Variants in PRMT8 observed in about 807,000 individuals in gnomAD.
PRMT8 encodes the protein protein arginine methyltransferase 8, also known as protein arginine N-methyltransferase 8.
In PRMT8, 7 loss-of-function variants were observed where a neutral mutation model predicts 47.1. The observed-to-expected ratio is 0.15, with a 90% CI of 0.08 to 0.28. The LOEUF is 0.28. Among genes scored for constraint, PRMT8 ranks in the 10% least tolerant of loss-of-function variants. PRMT8 has a pLI of 1.00. For synonymous variants in PRMT8, 188 were observed against 186.5 expected, an observed-to-expected ratio of 1.01 and a Z score of -0.07; for missense variants, 237 against 505.4, an observed-to-expected ratio of 0.47 and a Z score of 5.09.
chr12:3,421,865 C>T (rs1202492157), intron 1 of PRMT8, among the ~76,000 whole-genome samples: 1 of 152,238 alleles, frequency 6.6e-6, no homozygotes, highest in East Asian at 1.9e-4. Flanking sequence ...GCTGAGGCTG[C>T]TGAGGTAGTT....
chr12:3,570,846 G>T lies in PRMT8; in HGVS notation c.712+1282G>T, dbSNP rs1866831867. Among the ~76,000 whole-genome samples, 1 of 152,146 alleles carries T rather than the reference G, an allele frequency of 6.6e-6. No homozygotes were observed. The highest frequency in any genetic ancestry group is 6.5e-5 in the Admixed American group (1 of 15,270). On this transcript the variant is annotated intron_variant, in intron 6 of 9. Transcript: ENST00000382622. The surrounding 1 kb of genome is among the most constrained non-coding windows in gnomAD (Gnocchi z 5.5). ...GTTGCTGTCTGCCTCCAGCCAATCT[G>T]GTGTGATTTCCACTATTTGACCTCC... is the stretch of plus-strand genomic sequence containing the variant.
At chr12:3,540,937 C>T (rs1866217130) in intron 2 of PRMT8, 146 bp downstream of exon 2, 1 of 1,001,696 alleles carries the variant, frequency 1.0e-6, no homozygotes, top group African/African-American at 1.6e-5. Context: ...TTTCTCCAAT[C>T]CGGGGGGCCC....
intron 1 of PRMT8, among the ~76,000 whole-genome samples, chr12:3,417,822 T>A (rs1386530827): frequency 6.6e-6 from 1 of 152,218 alleles, no homozygotes; most frequent in East Asian, 1.9e-4. Context: ...TCCCATGCAC[T>A]CAACTTGTTT....
chr12:3,439,963 A>G (rs1006365065), intron 1 of PRMT8, among the ~76,000 whole-genome samples: 5 of 152,166 alleles, frequency 3.3e-5, no homozygotes, highest in African/African-American at 1.2e-4. Flanking sequence ...TGGAGAGAGC[A>G]CTGGGTGTTA....
intron 1 of PRMT8, among the ~76,000 whole-genome samples, chr12:3,394,246 T>C (rs1335223563): frequency 1.3e-5 from 2 of 152,056 alleles, no homozygotes; most frequent in African/African-American, 2.4e-5. Flanking sequence ...TCCAACACTA[T>C]GTTGAATAGG....
intron 4 of PRMT8, among the ~76,000 whole-genome samples, chr12:3,563,329 A>G (rs1866667194): frequency 6.6e-6 from 1 of 151,814 alleles, no homozygotes; most frequent in Admixed American, 6.6e-5. Context: ...CACAGTGAGG[A>G]CAAAGCAGAC....
At chr12:3,389,463 TTTCCTTCC>T (rs1195675567) in intron 1 of PRMT8, among the ~76,000 whole-genome samples, 1 of 152,184 alleles carries the variant, frequency 6.6e-6, no homozygotes, top group Admixed American at 6.5e-5. Context: ...TCGCTCATTC[TTTCCTTCC>T]TTCCTTCCTT....
chr12:3,457,836 A>G (rs1203096059), intron 1 of PRMT8, among the ~76,000 whole-genome samples: 2 of 138,664 alleles, frequency 1.4e-5, no homozygotes, highest in Admixed American at 7.6e-5. Context: ...AGGTCTTTCC[A>G]GTTTGCTTTT....
intron 1 of PRMT8, among the ~76,000 whole-genome samples, chr12:3,472,273 G>T (rs776493272): frequency 6.6e-6 from 1 of 152,196 alleles, no homozygotes. Context: ...ATTCCGGCTG[G>T]CCTCAGCCTT....
intron 4 of PRMT8, among the ~76,000 whole-genome samples, chr12:3,560,068 T>C (rs1866605643): frequency 1.3e-5 from 2 of 151,802 alleles, no homozygotes; most frequent in African/African-American, 4.8e-5. Flanking sequence ...TAAAGCTGAG[T>C]GGTCTTTACT....
intron 1 of PRMT8, 132 bp downstream of exon 1, chr12:3,491,832 C>CTGTGTGTGTGTGTGTGTG (rs531683101): frequency 1.9e-6 from 1 of 535,872 alleles, no homozygotes; most frequent in African/African-American, 5.2e-5. Context: ...CGGCCTCCTC[C>CTGTGTGTGTGTGTGTGTG]TGTGTGTGTG....
chr12:3,401,622 G>A (rs1022809279), intron 1 of PRMT8, among the ~76,000 whole-genome samples: 4 of 152,190 alleles, frequency 2.6e-5, no homozygotes, highest in Admixed American at 6.5e-5. Flanking sequence ...AGCAACTTCA[G>A]TGGAGTCTCA....
intron 1 of PRMT8, among the ~76,000 whole-genome samples, chr12:3,435,447 G>C (rs2137070808): frequency 6.6e-6 from 1 of 151,936 alleles, no homozygotes; most frequent in East Asian, 1.9e-4. Flanking sequence ...TCATCCTGCA[G>C]AAATGCTTTC....
At chr12:3,561,551 G>A (rs1274351266) in intron 4 of PRMT8, among the ~76,000 whole-genome samples, 1 of 152,174 alleles carries the variant, frequency 6.6e-6, no homozygotes, top group African/African-American at 2.4e-5. Flanking sequence ...TTTGTGATGG[G>A]TGTCCTACGG....
At chr12:3,490,571 C>A (rs1461383199), upstream of PRMT8, among the ~76,000 whole-genome samples, 1 of 149,796 alleles carries the variant, frequency 6.7e-6, no homozygotes, top group Non-Finnish European at 1.5e-5. Context: ...TGCAGTCTCG[C>A]ATTTGACTTT....
At chr12:3,417,109 G>A (rs937607138) in intron 1 of PRMT8, among the ~76,000 whole-genome samples, 7 of 152,208 alleles carry the variant, frequency 4.6e-5, no homozygotes, top group South Asian at 2.1e-4. Context: ...GAGCAGAGGC[G>A]TGTAATAGAA....
upstream of PRMT8, among the ~76,000 whole-genome samples, chr12:3,486,679 T>G (rs533423872): frequency 4.9e-4 from 75 of 152,220 alleles, 2 homozygotes; most frequent in South Asian, 0.015. Flanking sequence ...AACAGAATCT[T>G]TTGGGTCTTT....
chr12:3,522,817 G>GA (rs1428964001), intron 1 of PRMT8, among the ~76,000 whole-genome samples: 2 of 151,234 alleles, frequency 1.3e-5, no homozygotes, highest in Admixed American at 6.6e-5. Context: ...AAAAAAAACA[G>GA]AAAAAAATGA....
At chr12:3,390,890 C>T (rs911083118) in intron 1 of PRMT8, among the ~76,000 whole-genome samples, 6 of 152,198 alleles carry the variant, frequency 3.9e-5, no homozygotes, top group Admixed American at 6.5e-5. Flanking sequence ...ACATAGTAGA[C>T]GCATCATTCA....
Sources: allele counts gnomAD v4.1 joint callset (sites outside exome capture counted in the v4.1 genomes callset), GRCh38; gene constraint gnomAD v4.1.1; non-coding constraint Gnocchi (gnomAD v3.1); transcripts MANE v1.5; gene names NCBI Gene and HGNC (gene_info 2026-07-23, HGNC 2026-07-21).